NLGN1: variants seen among roughly 807,000 people sequenced by gnomAD.
NLGN1 encodes neuroligin-1.
In NLGN1, 12 loss-of-function variants were observed where a neutral mutation model predicts 65.5. That is an observed-to-expected ratio of 0.18 (90% CI 0.12 to 0.30). NLGN1 has a LOEUF of 0.30. Ranked by LOEUF, NLGN1 falls within the 10% of genes least tolerant of loss-of-function variation. NLGN1 has a pLI of 1.00. For synonymous variants in NLGN1, 350 were observed against 359.5 expected, an observed-to-expected ratio of 0.97 and a Z score of 0.30; for missense variants, 750 against 1,007.1, an observed-to-expected ratio of 0.74 and a Z score of 3.46.
At chr3:173,537,469 AAAG>A (rs1737628481) in intron 2 of NLGN1, among the ~76,000 whole-genome samples, 1 of 149,668 alleles carries the variant, frequency 6.7e-6, no homozygotes, top group African/African-American at 2.5e-5. Flanking sequence ...GGGAAGAAAA[AAAG>A]GTATTTGCTT....
intron 4 of NLGN1, among the ~76,000 whole-genome samples, chr3:174,162,331 T>A (rs1726707694): frequency 6.6e-6 from 1 of 151,956 alleles, no homozygotes; most frequent in Admixed American, 6.6e-5. Context: ...ATTCTGTATT[T>A]TGTATCAATA....
intron 4 of NLGN1, among the ~76,000 whole-genome samples, chr3:174,132,059 T>G (rs73880360): frequency 0.023 from 3,489 of 152,174 alleles, 157 homozygotes; most frequent in African/African-American, 0.078. Flanking sequence ...TCTTCAAGAG[T>G]TCTGAGGACA....
At chr3:173,914,336 A>G (rs181482751) in intron 4 of NLGN1, among the ~76,000 whole-genome samples, 10 of 152,252 alleles carry the variant, frequency 6.6e-5, no homozygotes, top group Non-Finnish European at 1.2e-4. Context: ...GTTTCACAAA[A>G]GCCAGCAAGA....
intron 4 of NLGN1, among the ~76,000 whole-genome samples, chr3:174,144,414 C>A (rs1417169355): frequency 6.6e-6 from 1 of 152,102 alleles, no homozygotes; most frequent in Non-Finnish European, 1.5e-5. Context: ...GATTTATAAT[C>A]CTTTGGGTAT....
intron 4 of NLGN1, among the ~76,000 whole-genome samples, chr3:173,944,642 T>C (rs1233303693): frequency 6.6e-6 from 1 of 152,204 alleles, no homozygotes; most frequent in East Asian, 1.9e-4. Flanking sequence ...TAACTTCTCC[T>C]ATCATCAACT....
intron 4 of NLGN1, among the ~76,000 whole-genome samples, chr3:173,833,589 G>A (rs1723021008): frequency 6.6e-6 from 1 of 150,794 alleles, no homozygotes; most frequent in Non-Finnish European, 1.5e-5. Flanking sequence ...GCACAATCTC[G>A]GCTCACTGCA....
chr3:173,959,209 A>C (rs1159529021), intron 4 of NLGN1, among the ~76,000 whole-genome samples: 1 of 152,236 alleles, frequency 6.6e-6, no homozygotes, highest in Non-Finnish European at 1.5e-5. Context: ...CAGTGGTTGC[A>C]GCTGCACTTG....
At chr3:174,157,091 A>G (rs1385511802) in intron 4 of NLGN1, among the ~76,000 whole-genome samples, 1 of 151,634 alleles carries the variant, frequency 6.6e-6, no homozygotes, top group Non-Finnish European at 1.5e-5. Context: ...CACTAATGCA[A>G]GAATTTCAAA....
At chr3:173,640,944 G>A (rs1210182167) in intron 3 of NLGN1, among the ~76,000 whole-genome samples, 1 of 151,996 alleles carries the variant, frequency 6.6e-6, no homozygotes, top group Non-Finnish European at 1.5e-5. Context: ...CTATATATTT[G>A]AACACTTGGT....
At chr3:173,435,573 G>T (rs938240282) in intron 2 of NLGN1, among the ~76,000 whole-genome samples, 13 of 152,206 alleles carry the variant, frequency 8.5e-5, no homozygotes, top group African/African-American at 3.1e-4. Context: ...GGTGGCACAC[G>T]CCTGTAATCC....
chr3:174,147,538 A>G (rs990321360), intron 4 of NLGN1, among the ~76,000 whole-genome samples: 2 of 140,260 alleles, frequency 1.4e-5, no homozygotes, highest in African/African-American at 5.3e-5. Context: ...GGTTCAAGTG[A>G]TTATCCTGGC....
intron 3 of NLGN1, among the ~76,000 whole-genome samples, chr3:173,717,225 G>A (rs1770011553): frequency 6.6e-6 from 1 of 152,148 alleles, no homozygotes; most frequent in Non-Finnish European, 1.5e-5. Flanking sequence ...AAGTTGATGT[G>A]ATCTGTTCTA....
rs190633448 is a variant in NLGN1, at chr3:173,608,478, T to G, written c.493+3387T>G. ...TTATATATTAGGTGTTTTGCGTAAT[T>G]TATCCATTTAATCATCATAGCAACA... On this transcript the variant is annotated intron_variant, in intron 3 of 6. Coordinates refer to ENST00000457714, the Ensembl canonical transcript of NLGN1. Among the ~76,000 whole-genome samples the G allele has an allele frequency of 1.4e-3, 209 of 152,020 alleles. 2 individuals carry two copies. The highest frequency in any genetic ancestry group is 4.7e-3 in the African/African-American group (196 of 41,540).
chr3:174,289,420 C>T (rs1266206219), downstream of NLGN1, among the ~76,000 whole-genome samples: 1 of 151,266 alleles, frequency 6.6e-6, no homozygotes, highest in South Asian at 2.1e-4. Flanking sequence ...GATTACTCTT[C>T]CTCTTTTCTA....
rs191402445 is a variant in NLGN1, at chr3:173,460,733, G to A, written c.-321+25655G>A. Among the ~76,000 whole-genome samples the A allele has an allele frequency of 2.4e-3, 372 of 152,222 alleles. 1 individual carries two copies. The highest frequency in any genetic ancestry group is 8.5e-3 in the African/African-American group (355 of 41,548). On this transcript the variant is annotated intron_variant, in intron 2 of 6. Coordinates refer to ENST00000457714, the Ensembl canonical transcript of NLGN1. Reference sequence around the variant, plus strand: ...CAGAAAGAAGTTGGGTCTACAAATGGTAAGGAAATTGTAATTTGTTTATAA... The same window carrying A: ...CAGAAAGAAGTTGGGTCTACAAATGATAAGGAAATTGTAATTTGTTTATAA...
chr3:173,774,920 C>A (rs1288520337), intron 3 of NLGN1, among the ~76,000 whole-genome samples: 2 of 151,946 alleles, frequency 1.3e-5, no homozygotes, highest in African/African-American at 4.8e-5. Context: ...CCGATAAAAT[C>A]TTTTACCTAT....
chr3:173,908,011 C>A (rs1031277849), intron 4 of NLGN1, among the ~76,000 whole-genome samples: 2 of 152,222 alleles, frequency 1.3e-5, no homozygotes, highest in African/African-American at 4.8e-5. Context: ...TGAGCCACCA[C>A]GCCCAGCAGA....
At chr3:173,437,620 T>C (rs1463543187) in intron 2 of NLGN1, among the ~76,000 whole-genome samples, 2 of 152,184 alleles carry the variant, frequency 1.3e-5, no homozygotes, top group Non-Finnish European at 2.9e-5. Context: ...CTTGATTTCC[T>C]CTCATTTGAC....
chr3:174,142,419 C>T (rs1577071634), intron 4 of NLGN1, among the ~76,000 whole-genome samples: 1 of 152,028 alleles, frequency 6.6e-6, no homozygotes, highest in African/African-American at 2.4e-5. Flanking sequence ...CACTTTTGAC[C>T]TGATACATAT....
Sources: gnomAD v4.1 joint callset for allele counts (sites outside exome capture counted in the v4.1 genomes callset) on GRCh38, gnomAD v4.1.1 for gene constraint, MANE v1.5 for transcripts, NCBI Gene and HGNC (gene_info 2026-07-23, HGNC 2026-07-21) for gene names.